Variants in OR51C1 observed in about 807,000 individuals in gnomAD.
The protein encoded by OR51C1 is olfactory receptor family 51 subfamily C member 1.
At chr11:4,694,622 T>C in the OR51C1 span, among the ~76,000 whole-genome samples, 1 of 151,788 alleles carries the variant, frequency 6.6e-6, no homozygotes, top group Non-Finnish European at 1.5e-5. Flanking sequence ...CTGAGCTTGC[T>C]GTGTCAAGAG....
the OR51C1 span, among the ~76,000 whole-genome samples, chr11:4,693,751 T>A: frequency 6.6e-6 from 1 of 152,064 alleles, no homozygotes; most frequent in Non-Finnish European, 1.5e-5. Flanking sequence ...AAAAAACTGT[T>A]GAGCAACAGT....
At chr11:4,691,529 G>A in the OR51C1 span, 16 of 457,040 alleles carry the variant, frequency 3.5e-5, no homozygotes, top group South Asian at 1.1e-4. Flanking sequence ...ACATTGGTTC[G>A]TGGAGGCTGG....
At chr11:4,693,002 G>A in the OR51C1 span, among the ~76,000 whole-genome samples, 17 of 152,104 alleles carry the variant, frequency 1.1e-4, no homozygotes, top group Admixed American at 3.3e-4. Context: ...GTCCTCAGGC[G>A]AGTGATGAAA....
chr11:4,694,062 A>G, the OR51C1 span, among the ~76,000 whole-genome samples: 2 of 152,128 alleles, frequency 1.3e-5, no homozygotes, highest in Non-Finnish European at 2.9e-5. Context: ...AATTTTTGTC[A>G]TTGTGTTGTA....
chr11:4,690,849 A>G, the OR51C1 span: 70,032 of 455,850 alleles, frequency 0.15, 6,168 homozygotes, highest in East Asian at 0.31. Context: ...CAAAGGGGAG[A>G]TCAGCAGGTA....
chr11:4,694,879 A>G, the OR51C1 span, among the ~76,000 whole-genome samples: 1 of 152,152 alleles, frequency 6.6e-6, no homozygotes, highest in African/African-American at 2.4e-5. Context: ...TGTTAACAGA[A>G]TGTATGCTTT....
chr11:4,694,575 T>TAC, the OR51C1 span, among the ~76,000 whole-genome samples: 2,723 of 147,908 alleles, frequency 0.018, 56 homozygotes, highest in African/African-American at 0.053. Flanking sequence ...CATATATATA[T>TAC]ACACACACAC....
chr11:4,691,639 G>T, the OR51C1 span: 1 of 434,972 alleles, frequency 2.3e-6, no homozygotes, highest in Non-Finnish European at 4.6e-6. Flanking sequence ...AAGGCTTCCA[G>T]CCCAGGAACA....
At chr11:4,696,243 CA>C in the OR51C1 span, among the ~76,000 whole-genome samples, 2 of 152,154 alleles carry the variant, frequency 1.3e-5, no homozygotes, top group Non-Finnish European at 2.9e-5. Flanking sequence ...CTATATGAGA[CA>C]AATGGAACTC....
the OR51C1 span, chr11:4,691,421 G>A: frequency 1.7e-5 from 8 of 457,760 alleles, no homozygotes; most frequent in Non-Finnish European, 3.5e-5. Flanking sequence ...CATTAAAGCT[G>A]ATTTCCCTCA....
At chr11:4,695,758 T>C in the OR51C1 span, among the ~76,000 whole-genome samples, 5 of 143,198 alleles carry the variant, frequency 3.5e-5, no homozygotes, top group African/African-American at 1.3e-4. Flanking sequence ...TTAGCTTCAG[T>C]GATGGTTATT....
the OR51C1 span, among the ~76,000 whole-genome samples, chr11:4,696,377 A>G: frequency 6.6e-6 from 1 of 152,132 alleles, no homozygotes; most frequent in Admixed American, 6.5e-5. Context: ...ATGTGTGCAC[A>G]CACATACCCT....
At chr11:4,692,314 C>T in the OR51C1 span, 173 of 297,852 alleles carry the variant, frequency 5.8e-4, 1 homozygote, top group African/African-American at 3.6e-3. Context: ...ATATGATACC[C>T]GGCATCATAT....
the OR51C1 span, among the ~76,000 whole-genome samples, chr11:4,696,243 C>T: frequency 1.3e-5 from 2 of 152,154 alleles, no homozygotes; most frequent in African/African-American, 4.8e-5. Flanking sequence ...CTATATGAGA[C>T]AAATGGAACT....
chr11:4,691,737 A>C, the OR51C1 span: 3 of 342,772 alleles, frequency 8.8e-6, no homozygotes, highest in South Asian at 4.6e-5. Context: ...ATGAGAGCTT[A>C]AACAAAAAAA....
At chr11:4,696,548 T>C in the OR51C1 span, among the ~76,000 whole-genome samples, 85 of 152,286 alleles carry the variant, frequency 5.6e-4, no homozygotes, top group African/African-American at 2.0e-3. Flanking sequence ...TTTTCTTACA[T>C]TGAAAAAATC....
the OR51C1 span, among the ~76,000 whole-genome samples, chr11:4,696,024 G>A: frequency 3.3e-5 from 5 of 152,068 alleles, no homozygotes; most frequent in Non-Finnish European, 5.9e-5. Flanking sequence ...AATCTTTAAC[G>A]CTGTGGCAAA....
the OR51C1 span, among the ~76,000 whole-genome samples, chr11:4,694,608 G>A: frequency 1.4e-5 from 2 of 147,464 alleles, no homozygotes; most frequent in African/African-American, 2.5e-5. Flanking sequence ...ACATATGCAG[G>A]GAGCTGAGCT....
the OR51C1 span, among the ~76,000 whole-genome samples, chr11:4,695,680 T>C: frequency 1.3e-5 from 2 of 152,298 alleles, no homozygotes; most frequent in Middle Eastern, 3.4e-3. Context: ...ATCTCAGATT[T>C]GTTTTTCTCT....
Sources: gnomAD v4.1 joint callset for allele counts (sites outside exome capture counted in the v4.1 genomes callset) on GRCh38, gnomAD v4.1.1 for gene constraint, MANE v1.5 for transcripts, NCBI Gene and HGNC (gene_info 2026-07-23, HGNC 2026-07-21) for gene names.